SYN3: variants seen among roughly 807,000 people sequenced by gnomAD.
The protein encoded by SYN3 is synapsin III, also known as synapsin-3.
SYN3 carries 35 observed loss-of-function variants against 65.8 expected under a neutral mutation model. The observed-to-expected ratio is 0.53, with a 90% CI of 0.41 to 0.70. SYN3 has a LOEUF of 0.70. Among genes scored for constraint, SYN3 ranks in the 30% least tolerant of loss-of-function variants. SYN3 has a pLI of 0.00. For missense variants in SYN3, 680 were observed against 749.0 expected (o/e 0.91, Z 1.08); for synonymous variants, 270 against 292.9 (o/e 0.92, Z 0.80).
chr22:33,054,635 A>T (rs2054226252), intron 1 of SYN3, among the ~76,000 whole-genome samples: 1 of 152,158 alleles, frequency 6.6e-6, no homozygotes, highest in Admixed American at 6.5e-5. Flanking sequence ...CCTATTCTGG[A>T]TGCTTCACAT....
At chr22:32,667,427 A>G (rs2060303517) in intron 6 of SYN3, among the ~76,000 whole-genome samples, 1 of 152,046 alleles carries the variant, frequency 6.6e-6, no homozygotes, top group African/African-American at 2.4e-5. Flanking sequence ...ATATTTTTCT[A>G]TCAGCATGGA....
At chr22:32,628,507 TG>T (rs2059701212) in intron 6 of SYN3, among the ~76,000 whole-genome samples, 1 of 152,132 alleles carries the variant, frequency 6.6e-6, no homozygotes, top group African/African-American at 2.4e-5. Context: ...CCAAAGAGGC[TG>T]GGCCAGAGAG....
chr22:32,577,980 C>T (rs1422452123), intron 7 of SYN3, among the ~76,000 whole-genome samples: 5 of 152,208 alleles, frequency 3.3e-5, no homozygotes, highest in Non-Finnish European at 7.3e-5. Flanking sequence ...TTCTTTTCTT[C>T]ATCTGCTTCC....
chr22:32,532,083 G>T (rs988852576), intron 10 of SYN3, among the ~76,000 whole-genome samples: 13 of 152,378 alleles, frequency 8.5e-5, no homozygotes, highest in Non-Finnish European at 1.2e-4. Context: ...CAAGGGAGGA[G>T]CTGGCCTTTG....
At chr22:32,841,543 A>T (rs2047902595) in intron 6 of SYN3, among the ~76,000 whole-genome samples, 3 of 152,126 alleles carry the variant, frequency 2.0e-5, no homozygotes, top group Admixed American at 6.6e-5. Context: ...AAGGCCTGTT[A>T]TCTGGAGCTC....
chr22:32,974,266 G>A (rs2052111622), intron 3 of SYN3, among the ~76,000 whole-genome samples: 1 of 152,210 alleles, frequency 6.6e-6, no homozygotes, highest in Non-Finnish European at 1.5e-5. Flanking sequence ...ACAGACCCAT[G>A]CCACTTATTA....
intron 6 of SYN3, among the ~76,000 whole-genome samples, chr22:32,814,351 GAGAA>G (rs940671309): frequency 5.3e-3 from 78 of 14,588 alleles, no homozygotes; most frequent in Non-Finnish European, 7.5e-3. Flanking sequence ...GAAAGAAAGA[GAGAA>G]AGAAAGAAAG....
chr22:33,014,246 C>T (rs756779569), intron 1 of SYN3, among the ~76,000 whole-genome samples: 6 of 152,108 alleles, frequency 3.9e-5, no homozygotes, highest in Non-Finnish European at 8.8e-5. Context: ...AATGGTATTC[C>T]ATCGTGTGTA....
intron 6 of SYN3, among the ~76,000 whole-genome samples, chr22:32,774,370 T>C (rs1380379445): frequency 6.6e-6 from 1 of 151,954 alleles, no homozygotes; most frequent in Non-Finnish European, 1.5e-5. Context: ...TGCCGTGTGA[T>C]GATGGAGGTA....
chr22:32,823,332 A>G (rs1157673416), intron 6 of SYN3, among the ~76,000 whole-genome samples: 1 of 152,172 alleles, frequency 6.6e-6, no homozygotes, highest in African/African-American at 2.4e-5. Flanking sequence ...GGGACCTGCC[A>G]CAGAGAATGC....
chr22:32,813,509 AC>A, intron 6 of SYN3, among the ~76,000 whole-genome samples: 2 of 149,842 alleles, frequency 1.3e-5, no homozygotes, highest in African/African-American at 5.0e-5. Context: ...ACACACACAC[AC>A]ACACACACAC....
intron 2 of SYN3, among the ~76,000 whole-genome samples, chr22:32,997,532 C>T (rs148565223): frequency 3.3e-5 from 5 of 152,152 alleles, no homozygotes; most frequent in Admixed American, 6.5e-5. Flanking sequence ...GGTTTCTCCA[C>T]GCTCTGCCCC....
At chr22:32,898,908 C>G (rs1199336619) in intron 4 of SYN3, among the ~76,000 whole-genome samples, 2 of 152,188 alleles carry the variant, frequency 1.3e-5, no homozygotes, top group Admixed American at 6.5e-5. Context: ...CGAGACCATC[C>G]TAGCCAACAT....
chr22:32,573,055 G>A (rs1350638310), intron 7 of SYN3, among the ~76,000 whole-genome samples: 1 of 152,168 alleles, frequency 6.6e-6, no homozygotes, highest in Admixed American at 6.5e-5. Flanking sequence ...ATCATTGTTA[G>A]GTTGAAATCA....
At chr22:32,559,224 G>T (rs972919181) in intron 7 of SYN3, among the ~76,000 whole-genome samples, 3 of 152,194 alleles carry the variant, frequency 2.0e-5, no homozygotes, top group African/African-American at 7.2e-5. Flanking sequence ...CTAAAGCCCA[G>T]ACATTCATTC....
chr22:32,702,370 C>T (rs532082078), intron 6 of SYN3, among the ~76,000 whole-genome samples: 6 of 151,986 alleles, frequency 3.9e-5, no homozygotes, highest in Admixed American at 2.0e-4. Flanking sequence ...CCCAGCTACT[C>T]GGGAGGCTGA....
intron 6 of SYN3, among the ~76,000 whole-genome samples, chr22:32,637,088 C>T (rs540563643): frequency 4.3e-4 from 66 of 152,238 alleles, no homozygotes; most frequent in African/African-American, 1.6e-3. Context: ...TGAATCTTTA[C>T]TGAATGCTCT....
At chr22:32,897,991 TTTTG>T (rs1005218693) in intron 4 of SYN3, among the ~76,000 whole-genome samples, 11 of 152,064 alleles carry the variant, frequency 7.2e-5, no homozygotes, top group Middle Eastern at 3.4e-3. Context: ...AGCTATTGTT[TTTTG>T]TTTGTTTGTT....
chr22:32,984,827 G>GA (rs1382317388), intron 2 of SYN3, among the ~76,000 whole-genome samples: 9 of 152,036 alleles, frequency 5.9e-5, no homozygotes, highest in Admixed American at 2.6e-4. Context: ...AGCATACTGG[G>GA]AAAAAAAACA....
Sources: allele counts gnomAD v4.1 joint callset (sites outside exome capture counted in the v4.1 genomes callset), GRCh38; gene constraint gnomAD v4.1.1; transcripts MANE v1.5; gene names NCBI Gene and HGNC (gene_info 2026-07-23, HGNC 2026-07-21).